Variants in RERE observed in about 807,000 individuals in gnomAD.
RERE encodes the protein arginine-glutamic acid dipeptide repeats.
Under a neutral mutation model 146.1 loss-of-function variants are expected in RERE, and 40 were observed. The ratio of observed to expected loss-of-function variants is 0.27; its 90% CI spans 0.21 to 0.36. The LOEUF (loss-of-function observed/expected upper bound fraction) is 0.36, where lower values mean the gene tolerates loss of function less well. Among genes scored for constraint, RERE ranks in the 10% least tolerant of loss-of-function variants. The pLI, the probability that RERE is intolerant of heterozygous loss-of-function variation, is 1.00. For missense variants in RERE, 1,933 were observed against 2,138.7 expected (o/e 0.90, Z 1.90); for synonymous variants, 1,003 against 866.0 (o/e 1.16, Z -2.78).
At chr1:8,775,429 TA>T (rs1641046594) in intron 1 of RERE, among the ~76,000 whole-genome samples, 1 of 151,828 alleles carries the variant, frequency 6.6e-6, no homozygotes. Context: ...AATAAAAAAA[TA>T]AAAATTAGCC....
chr1:8,555,270 A>C (rs967315674), intron 6 of RERE, among the ~76,000 whole-genome samples: 1 of 152,242 alleles, frequency 6.6e-6, no homozygotes, highest in Non-Finnish European at 1.5e-5. Flanking sequence ...ATGAAACTCA[A>C]ATTTCAATAT....
At chr1:8,361,697 A>G in intron 17 of RERE, 66 bp downstream of exon 17, 4 of 1,451,240 alleles carry the variant, frequency 2.8e-6, no homozygotes, top group Non-Finnish European at 3.9e-6. Flanking sequence ...AACTAGGGAG[A>G]ACCCCGGCTG....
chr1:8,634,492 C>T (rs938613948), intron 2 of RERE, among the ~76,000 whole-genome samples: 12 of 152,332 alleles, frequency 7.9e-5, no homozygotes, highest in Non-Finnish European at 1.5e-4. Flanking sequence ...ACATCTAATA[C>T]ACTTCATTAA....
chr1:8,485,862 G>T (rs141792556), intron 10 of RERE, among the ~76,000 whole-genome samples: 1 of 145,160 alleles, frequency 6.9e-6, no homozygotes, highest in Non-Finnish European at 1.5e-5. Context: ...GCAGTGGCGC[G>T]ATCTTGGCTC....
chr1:8,709,873 A>T (rs1401617155), intron 1 of RERE, among the ~76,000 whole-genome samples: 1 of 152,144 alleles, frequency 6.6e-6, no homozygotes, highest in Non-Finnish European at 1.5e-5. Context: ...AGCCATCCAA[A>T]AGCTGTACAA....
At chr1:8,685,855 T>C (rs1247266447) in intron 1 of RERE, among the ~76,000 whole-genome samples, 2 of 152,212 alleles carry the variant, frequency 1.3e-5, no homozygotes, top group East Asian at 1.9e-4. Flanking sequence ...CAGAGTTCCA[T>C]TTAGACATGT....
At chr1:8,789,026 G>A (rs2124571222) in intron 1 of RERE, among the ~76,000 whole-genome samples, 1 of 152,018 alleles carries the variant, frequency 6.6e-6, no homozygotes, top group South Asian at 2.1e-4. Flanking sequence ...GTATGAATCA[G>A]TGGGTGCTCA....
chr1:8,761,744 TCCC>T (rs1409768490), intron 1 of RERE, among the ~76,000 whole-genome samples: 4 of 151,474 alleles, frequency 2.6e-5, no homozygotes, highest in Admixed American at 2.6e-4. Flanking sequence ...ATGGAGAAAC[TCCC>T]CCGTCTCTAC....
At chr1:8,502,639 AT>A (rs1178011678) in intron 8 of RERE, among the ~76,000 whole-genome samples, 5 of 149,720 alleles carry the variant, frequency 3.3e-5, no homozygotes, top group African/African-American at 1.2e-4. Flanking sequence ...GTTTTGTGGA[AT>A]AGAAAGGCGG....
intron 11 of RERE, among the ~76,000 whole-genome samples, chr1:8,432,078 C>T (rs982344292): frequency 6.6e-6 from 1 of 152,146 alleles, no homozygotes; most frequent in Non-Finnish European, 1.5e-5. Context: ...CACACCCCTC[C>T]CCCCAACATT....
intron 1 of RERE, among the ~76,000 whole-genome samples, chr1:8,815,253 C>T (rs1641889212): frequency 6.6e-6 from 1 of 152,198 alleles, no homozygotes; most frequent in East Asian, 1.9e-4. Context: ...ATTGACAGCT[C>T]AATTGCCAGC....
At chr1:8,530,507 G>A (rs1419168285) in intron 7 of RERE, among the ~76,000 whole-genome samples, 1 of 151,952 alleles carries the variant, frequency 6.6e-6, no homozygotes. Context: ...ATGGGGAGGC[G>A]GGGCGGGGAG....
At chr1:8,525,031 C>T (rs1295928947) in intron 7 of RERE, among the ~76,000 whole-genome samples, 1 of 152,172 alleles carries the variant, frequency 6.6e-6, no homozygotes, top group Non-Finnish European at 1.5e-5. Context: ...CAATTTCTAA[C>T]ACAAAAGTCA....
chr1:8,431,880 G>A (rs1020747418), intron 11 of RERE, among the ~76,000 whole-genome samples: 2 of 152,168 alleles, frequency 1.3e-5, no homozygotes, highest in Non-Finnish European at 2.9e-5. Flanking sequence ...AGTTCTAGAA[G>A]AAGTGCCTGG....
chr1:8,529,043 A>C (rs896042538), intron 7 of RERE, among the ~76,000 whole-genome samples: 5 of 152,152 alleles, frequency 3.3e-5, no homozygotes, highest in Non-Finnish European at 5.9e-5. Context: ...GAGATGCTCA[A>C]CCTATAATAG....
chr1:8,417,147 T>C (rs566944661), intron 12 of RERE, among the ~76,000 whole-genome samples: 6 of 152,330 alleles, frequency 3.9e-5, no homozygotes, highest in South Asian at 4.1e-4. Flanking sequence ...TTATTTAAGG[T>C]TATAACCTGA....
At chr1:8,732,862 C>A (rs1158818718) in intron 1 of RERE, among the ~76,000 whole-genome samples, 1 of 144,702 alleles carries the variant, frequency 6.9e-6, no homozygotes, top group Non-Finnish European at 1.5e-5. Context: ...TGCTCTGTCA[C>A]CCAGGCTGGA....
chr1:8,357,902 C>T (rs1447534726), intron 20 of RERE, among the ~76,000 whole-genome samples: 1 of 152,262 alleles, frequency 6.6e-6, no homozygotes, highest in Non-Finnish European at 1.5e-5. Flanking sequence ...CTTACCCTGC[C>T]CTGTGGGCCT....
chr1:8,744,865 G>C (rs1234308377), intron 1 of RERE, among the ~76,000 whole-genome samples: 2 of 152,118 alleles, frequency 1.3e-5, no homozygotes, highest in Non-Finnish European at 2.9e-5. Context: ...GTCTAAAATG[G>C]AAAACTTCAA....
Sources: gnomAD v4.1 joint callset for allele counts (sites outside exome capture counted in the v4.1 genomes callset) on GRCh38, gnomAD v4.1.1 for gene constraint, MANE v1.5 for transcripts, NCBI Gene and HGNC (gene_info 2026-07-23, HGNC 2026-07-21) for gene names.